The following TMEM135 variants were observed in gnomAD, a reference collection of about 807,000 sequenced individuals.
TMEM135 encodes peroxisomal membrane protein 52.
TMEM135 carries 30 observed loss-of-function variants against 60.3 expected under a neutral mutation model. The observed-to-expected ratio is 0.50, with a 90% CI of 0.37 to 0.68. The LOEUF (loss-of-function observed/expected upper bound fraction) is 0.68, where lower values mean the gene tolerates loss of function less well. TMEM135 is among the 30% of genes least tolerant of loss of function. The probability of loss-of-function intolerance (pLI) is 0.00; values close to 1 mark genes in which losing one functional copy is unlikely to be tolerated. For synonymous variants in TMEM135, 190 were observed against 186.7 expected, an observed-to-expected ratio of 1.02 and a Z score of -0.14; for missense variants, 468 against 548.8, an observed-to-expected ratio of 0.85 and a Z score of 1.47.
chr11:87,140,042 G>A (rs1251239787), intron 4 of TMEM135, among the ~76,000 whole-genome samples: 1 of 151,646 alleles, frequency 6.6e-6, no homozygotes, highest in Non-Finnish European at 1.5e-5. Context: ...TATTTTTTCA[G>A]AGTTTGTGGC....
chr11:87,229,761 A>T (rs186005627), intron 5 of TMEM135, among the ~76,000 whole-genome samples: 1 of 152,306 alleles, frequency 6.6e-6, no homozygotes, highest in East Asian at 1.9e-4. Context: ...TCTTTAAGAC[A>T]ATGTCTTTAT....
chr11:87,105,903 C>T (rs1167621801), intron 4 of TMEM135, among the ~76,000 whole-genome samples: 1 of 152,144 alleles, frequency 6.6e-6, no homozygotes, highest in Admixed American at 6.5e-5. Context: ...TATGTTTGTA[C>T]TCATTCACTA....
At chr11:87,285,612 G>A (rs1018128379) in intron 6 of TMEM135, among the ~76,000 whole-genome samples, 1 of 152,308 alleles carries the variant, frequency 6.6e-6, no homozygotes, top group East Asian at 1.9e-4. Context: ...CAGGAGTGAA[G>A]CTGCAGACCT....
chr11:87,150,506 T>C (rs1376955648), intron 4 of TMEM135, among the ~76,000 whole-genome samples: 1 of 152,224 alleles, frequency 6.6e-6, no homozygotes. Flanking sequence ...TGGTAATACA[T>C]AAATTTTGTT....
chr11:87,283,491 C>G (rs1173924003), intron 6 of TMEM135, among the ~76,000 whole-genome samples: 2 of 152,110 alleles, frequency 1.3e-5, no homozygotes, highest in Non-Finnish European at 2.9e-5. Flanking sequence ...TTTTGAATAG[C>G]TGCTCATTTT....
chr11:87,112,524 T>C (rs1471874428), intron 4 of TMEM135, among the ~76,000 whole-genome samples: 1 of 152,136 alleles, frequency 6.6e-6, no homozygotes, highest in African/African-American at 2.4e-5. Context: ...AAGAACGGTG[T>C]CTTTCCTTGC....
intron 5 of TMEM135, among the ~76,000 whole-genome samples, chr11:87,215,599 AG>A (rs1940482883): frequency 6.6e-6 from 1 of 152,196 alleles, no homozygotes; most frequent in Non-Finnish European, 1.5e-5. Flanking sequence ...TGGACTTGGA[AG>A]TTACACAGAG....
At chr11:87,099,441 A>G (rs1857402603) in intron 4 of TMEM135, among the ~76,000 whole-genome samples, 1 of 152,128 alleles carries the variant, frequency 6.6e-6, no homozygotes, top group African/African-American at 2.4e-5. Flanking sequence ...ACTATAATAT[A>G]ATATAATATC....
chr11:87,250,991 G>A (rs760105807), intron 6 of TMEM135, among the ~76,000 whole-genome samples: 4 of 152,152 alleles, frequency 2.6e-5, no homozygotes, highest in Non-Finnish European at 5.9e-5. Context: ...GTTTATCTGA[G>A]ATATGAGGAT....
intron 5 of TMEM135, among the ~76,000 whole-genome samples, chr11:87,158,416 T>C (rs1179073952): frequency 6.6e-6 from 1 of 152,114 alleles, no homozygotes; most frequent in East Asian, 1.9e-4. Context: ...TTGAAAAGTA[T>C]GTACACTCTA....
At chr11:87,225,631 T>G (rs2135360998) in intron 5 of TMEM135, among the ~76,000 whole-genome samples, 1 of 152,198 alleles carries the variant, frequency 6.6e-6, no homozygotes, top group African/African-American at 2.4e-5. Flanking sequence ...AAGGCAAATT[T>G]CTTTTTACCT....
intron 5 of TMEM135, among the ~76,000 whole-genome samples, chr11:87,169,716 C>T (rs1036514452): frequency 6.6e-6 from 1 of 152,178 alleles, no homozygotes; most frequent in Admixed American, 6.5e-5. Flanking sequence ...TGACCTTTCT[C>T]TCTGGCTGCC....
chr11:87,246,107 A>T, intron 6 of TMEM135, among the ~76,000 whole-genome samples: 1 of 131,552 alleles, frequency 7.6e-6, no homozygotes. Flanking sequence ...TCCTTCACTT[A>T]TGAAGGTTAG....
intron 1 of TMEM135, among the ~76,000 whole-genome samples, chr11:87,040,430 G>A (rs772434170): frequency 2.0e-5 from 3 of 152,210 alleles, no homozygotes; most frequent in Admixed American, 6.5e-5. Context: ...AGGCCGAGGT[G>A]TGTGGATCAC....
At chr11:87,259,617 A>T (rs1941603837) in intron 6 of TMEM135, among the ~76,000 whole-genome samples, 1 of 152,186 alleles carries the variant, frequency 6.6e-6, no homozygotes, top group South Asian at 2.1e-4. Context: ...GTTTCAGTGA[A>T]TGGGATCATT....
At chr11:87,092,466 C>G (rs1857228919) in intron 4 of TMEM135, among the ~76,000 whole-genome samples, 1 of 152,148 alleles carries the variant, frequency 6.6e-6, no homozygotes, top group Non-Finnish European at 1.5e-5. Context: ...AATTTCATTT[C>G]AGAGTGTTCA....
At chr11:87,178,573 G>C (rs1015502392) in intron 5 of TMEM135, 1 of 451,900 alleles carries the variant, frequency 2.2e-6, no homozygotes, top group Non-Finnish European at 4.4e-6. Context: ...CTACAGGGGT[G>C]CACCATTACA....
At chr11:87,320,301 A>G (rs1942799454) in intron 14 of TMEM135, among the ~76,000 whole-genome samples, 1 of 152,222 alleles carries the variant, frequency 6.6e-6, no homozygotes, top group Admixed American at 6.6e-5. Context: ...GAGCTGGAAC[A>G]TAAACCAGGC....
At chr11:87,074,096 G>T (rs369373689) in intron 3 of TMEM135, among the ~76,000 whole-genome samples, 1 of 152,038 alleles carries the variant, frequency 6.6e-6, no homozygotes, top group Non-Finnish European at 1.5e-5. Flanking sequence ...CTCCCAAGTA[G>T]CTGGGACCAC....
Sources: gnomAD v4.1 joint callset for allele counts (sites outside exome capture counted in the v4.1 genomes callset) on GRCh38, gnomAD v4.1.1 for gene constraint, MANE v1.5 for transcripts, NCBI Gene and HGNC (gene_info 2026-07-23, HGNC 2026-07-21) for gene names.